Variants in CXXC4 observed in about 807,000 individuals in gnomAD.
CXXC4 encodes the protein CXXC-type zinc finger protein 4.
CXXC4 carries 5 observed loss-of-function variants against 20.5 expected under a neutral mutation model. That is an observed-to-expected ratio of 0.24 (90% CI 0.13 to 0.51). CXXC4 has a LOEUF of 0.51. CXXC4 is among the 20% of genes least tolerant of loss of function. The pLI, the probability that CXXC4 is intolerant of heterozygous loss-of-function variation, is 0.97. For synonymous variants in CXXC4, 250 were observed against 216.4 expected (o/e 1.16, Z -1.36); for missense variants, 419 against 496.4 (o/e 0.84, Z 1.48).
At position 104,487,076 on chromosome 4, in the gene CXXC4, C is replaced by T. The variant is rs537853949; in HGVS notation, c.1059+3668G>A. 4.1e-4 allele frequency among the ~76,000 whole-genome samples: 63 copies of T among 152,180 alleles called. 1 individual carries two copies. Among genetic ancestry groups the T allele is most frequent in the Non-Finnish European group, 6.3e-4 (43 of 67,992 alleles). ...AAAAATTACTGTTGGCCTGTACATTCGGCAGATAGATTTTTAAGAGATAAA... is the reference window on the plus strand; with the variant it reads ...AAAAATTACTGTTGGCCTGTACATTTGGCAGATAGATTTTTAAGAGATAAA... On this transcript the variant is annotated intron_variant, in intron 2 of 2. Coordinates refer to ENST00000394767, the MANE Select transcript of CXXC4 (RefSeq NM_025212.4).
At chr4:104,482,125 A>T (rs1238774681) in intron 2 of CXXC4, among the ~76,000 whole-genome samples, 1 of 152,216 alleles carries the variant, frequency 6.6e-6, no homozygotes, top group Non-Finnish European at 1.5e-5. Context: ...TACATGTGAT[A>T]AACTCATATA....
rs150876781 is a variant in CXXC4, at chr4:104,486,734, C to T, written c.1059+4010G>A. Among the ~76,000 whole-genome samples, 666 of 152,166 alleles carry T rather than the reference C, an allele frequency of 4.4e-3. 6 individuals carry two copies. Among genetic ancestry groups the T allele is most frequent in the African/African-American group, 0.015 (643 of 41,536 alleles). ...ATCCATAGATTTTTTTGTCACCAAA[C>T]CTCAGAAATGTATATGTTCAATTAT... On this transcript the variant is annotated intron_variant, in intron 2 of 2. Transcript: ENST00000394767.
At chr4:104,472,970 A>C (rs992514381) in intron 2 of CXXC4, among the ~76,000 whole-genome samples, 3 of 151,910 alleles carry the variant, frequency 2.0e-5, no homozygotes, top group Admixed American at 2.0e-4. Context: ...ACTATGATTG[A>C]ATTACTCTGT....
At position 104,491,372 on chromosome 4, in the gene CXXC4, G is replaced by T; in HGVS notation, c.431C>A (p.Ser144Tyr). 1 of 1,403,668 alleles carries T rather than the reference G, an allele frequency of 7.1e-7. No homozygotes were observed. 87.0% of individuals were successfully genotyped at this position (1,403,668 alleles called of 1,614,324 possible). ...GATCGCCGAGGAGGAGGAGGCGGAG[G>T]AGGAGGCGGCGGCGGAGGAGGATTT... The part of the protein sequence containing the change: ...GRKSSSAAAS[S>Y]SASSSSAILP... The change falls in exon 2 of 3, where the codon TCC becomes TAC. Residue 144 changes from serine to tyrosine, a missense_variant. This residue lies in a region of CXXC4 where 388 missense variants were observed against 416.0 expected (regional missense o/e 0.93). Transcript: ENST00000394767.
chr4:104,483,941 C>T (rs1043593553), intron 2 of CXXC4, among the ~76,000 whole-genome samples: 2 of 151,910 alleles, frequency 1.3e-5, no homozygotes, highest in African/African-American at 4.8e-5. Context: ...TTTGACAGTG[C>T]AAGTATAGGA....
rs1736270094 is a variant in CXXC4 at position 104,471,378 on chromosome 4, A to G, written c.*944T>C. 6.6e-6 allele frequency: 1 copy of G among 152,046 alleles called. No individual in the cohort carries two copies. Among genetic ancestry groups the G allele is most frequent in the Non-Finnish European group, 1.5e-5 (1 of 67,970 alleles). 9.4% of individuals were successfully genotyped at this position (152,046 alleles called of 1,614,324 possible). ...CATATTGGGCTGGGGAAAAAATGTC[A>G]GTTATAAATTTTCCCCTCCTAAGAT... On this transcript the variant is annotated 3_prime_UTR_variant, in exon 3 of 3. Transcript: ENST00000394767.
rs1175807641 is a variant in CXXC4 at position 104,491,597 on chromosome 4, G to T, written c.206C>A (p.Pro69His). The T allele has an allele frequency of 6.5e-7, 1 of 1,539,066 alleles. No individual in the cohort carries two copies. Among genetic ancestry groups the T allele is most frequent in the Admixed American group, 2.0e-5 (1 of 49,820 alleles). Residue 69 changes from proline to histidine, a missense_variant, in exon 2 of 3, where the codon CCC (proline) becomes CAC (histidine). Pro to His is a moderately conservative substitution (Grantham distance 77). Transcript: ENST00000394767. ...GGCGGCGGCGCTGCTGGGGAAGATGGGGGTGGTGATGCGCGCGATCTTGGC... is the reference window on the plus strand; with the variant it reads ...GGCGGCGGCGCTGCTGGGGAAGATGTGGGTGGTGATGCGCGCGATCTTGGC... ...QAAKIARITT[P>H]IFPSSAAAAA... is the part of the protein sequence containing the mutation.
At chr4:104,482,062 A>G (rs1736571043) in intron 2 of CXXC4, among the ~76,000 whole-genome samples, 1 of 152,190 alleles carries the variant, frequency 6.6e-6, no homozygotes, top group Non-Finnish European at 1.5e-5. Context: ...ATACACATAC[A>G]TTTCTTTAAG....
Position 104,472,360 on chromosome 4 carries a change from G to A in CXXC4, c.1066C>T (p.Pro356Ser). The change falls in exon 3 of 3, where the codon CCT (proline) becomes TCT (serine). Residue 356 changes from proline to serine, a missense_variant. Around this residue, in one of 3 missense-constraint regions of CXXC4, gnomAD observed 16 missense variants for 17.4 expected, o/e 0.92. Coordinates refer to ENST00000394767, the MANE Select transcript of CXXC4 (RefSeq NM_025212.4). ...CGGAATGCTTCAGCGCTGGGAACAGGTGTTCTCTATAAAAAAAGAGCAAGA... is the reference window on the plus strand; with the variant it reads ...CGGAATGCTTCAGCGCTGGGAACAGATGTTCTCTATAAAAAAAGAGCAAGA... ...KKPGTSLERTPVPSAEAFRWF... is the reference protein window; with the variant it reads ...KKPGTSLERTSVPSAEAFRWF... 1 of 1,600,090 alleles carries A rather than the reference G, an allele frequency of 6.2e-7. No individual in the cohort carries two copies. The highest frequency in any genetic ancestry group is 1.1e-5 in the South Asian group (1 of 88,528).
chr4:104,484,203 T>C (rs1736627515), intron 2 of CXXC4, among the ~76,000 whole-genome samples: 1 of 151,978 alleles, frequency 6.6e-6, no homozygotes, highest in Non-Finnish European at 1.5e-5. Context: ...GCCAACAACA[T>C]TAAACTACAT....
At chr4:104,492,566 A>G (rs1736921862) in intron 1 of CXXC4, among the ~76,000 whole-genome samples, 1 of 152,198 alleles carries the variant, frequency 6.6e-6, no homozygotes, top group Non-Finnish European at 1.5e-5. Context: ...AAAGTCTACA[A>G]TACATCCGAG....
intron 2 of CXXC4, among the ~76,000 whole-genome samples, chr4:104,478,901 T>G (rs1403319204): frequency 6.6e-6 from 1 of 152,044 alleles, no homozygotes; most frequent in Non-Finnish European, 1.5e-5. Context: ...ATTATTTTAT[T>G]TATATAGTCA....
chr4:104,476,299 T>C lies in CXXC4; in HGVS notation c.1060-3933A>G, dbSNP rs1019465522. ...TGAAAAGCTTTCACCTTAAGGATTTTAGCATGTTTCTCTTCTCATACCTGC... is the reference window on the plus strand; with the variant it reads ...TGAAAAGCTTTCACCTTAAGGATTTCAGCATGTTTCTCTTCTCATACCTGC... On this transcript the variant is annotated intron_variant, in intron 2 of 2. Transcript: ENST00000394767. Among the ~76,000 whole-genome samples, 16 of 152,324 alleles carry C rather than the reference T, an allele frequency of 1.1e-4. No homozygotes were observed. The Middle Eastern group carries it at 0.017, about 162-fold the overall frequency.
chr4:104,491,452 A>C lies in CXXC4; in HGVS notation c.351T>G (p.Gly117=), dbSNP rs1023816027. Residue 117 remains glycine, a synonymous_variant, in exon 2 of 3, where the codon GGT becomes GGG. Transcript: ENST00000394767. ...CTCCGCCGCCGCCGCCGCCGCCGCCACCCCCCCCGCCGCCGCCCCCGCCCC... is the reference window on the plus strand; with the variant it reads ...CTCCGCCGCCGCCGCCGCCGCCGCCCCCCCCCCCGCCGCCGCCCCCGCCCC... ...SGGGGGGGGG[G]GGGGGGGGGG... 127 of 789,578 alleles carry C rather than the reference A, an allele frequency of 1.6e-4. No homozygotes were observed. Among genetic ancestry groups the C allele is most frequent in the African/African-American group, 8.5e-4 (37 of 43,294 alleles). 48.9% of individuals were successfully genotyped at this position (789,578 alleles called of 1,614,324 possible).
Position 104,490,973 on chromosome 4 carries a change from A to G in CXXC4, c.830T>C (p.Leu277Pro). 1 of 1,613,996 alleles carries G rather than the reference A, an allele frequency of 6.2e-7. No individual in the cohort carries two copies. Reference protein sequence around the residue: ...VTDSAFQIANLADCPQNHSSS... With the variant: ...VTDSAFQIANPADCPQNHSSS... ...GGAATGATTCTGCGGGCAGTCTGCCAGATTGGCAATTTGAAACGCACTGTC... is the reference window on the plus strand; with the variant it reads ...GGAATGATTCTGCGGGCAGTCTGCCGGATTGGCAATTTGAAACGCACTGTC... Residue 277 changes from leucine to proline, a missense_variant, in exon 2 of 3, where the codon CTG becomes CCG. Leu to Pro is a moderately conservative substitution (Grantham distance 98). Around this residue, in one of 3 missense-constraint regions of CXXC4, gnomAD observed 388 missense variants for 416.0 expected, o/e 0.93. Transcript: ENST00000394767.
chr4:104,472,205 T>A lies in CXXC4; in HGVS notation c.*117A>T. On this transcript the variant is annotated 3_prime_UTR_variant, in exon 3 of 3. Transcript: ENST00000394767. ...TTTTTTTTGAAGAAAGCCCTATACA[T>A]AAAATGAAAATAATTTCTGGATATT... 5.5e-6 allele frequency: 3 copies of A among 543,130 alleles called. No individual in the cohort carries two copies. The highest frequency in any genetic ancestry group is 3.1e-5 in the East Asian group (1 of 31,760). 33.6% of individuals were successfully genotyped at this position (543,130 alleles called of 1,614,324 possible).
Position 104,491,181 on chromosome 4 carries a change from G to A in CXXC4, c.622C>T (p.Pro208Ser), listed in dbSNP as rs1178195897. The change falls in exon 2 of 3, where the codon CCT (proline) becomes TCT (serine). Residue 208 changes from proline to serine, a missense_variant. Physicochemically the swap from Pro to Ser is moderately conservative, Grantham distance 74. Transcript: ENST00000394767. ...LSTLSPEHCRPLAGECMNKLK... is the reference protein window; with the variant it reads ...LSTLSPEHCRSLAGECMNKLK... The stretch of plus-strand genomic sequence containing the variant: ...TTGTTCATGCATTCCCCCGCCAAAG[G>A]TCTGCAGTGTTCAGGGGATAAGGTG... 3 of 1,613,778 alleles carry A rather than the reference G, an allele frequency of 1.9e-6. No individual in the cohort carries two copies. Among genetic ancestry groups the A allele is most frequent in the South Asian group, 1.1e-5 (1 of 91,086 alleles).
rs1736267944 is a variant in CXXC4 at position 104,471,296 on chromosome 4, T to C, written c.*1026A>G. 2.0e-5 allele frequency: 3 copies of C among 151,930 alleles called. No individual in the cohort carries two copies. The highest frequency in any genetic ancestry group is 4.2e-4 in the South Asian group (2 of 4,818). The allele number at this position is 151,930 out of a possible 1,614,324, so 9.4% of individuals were successfully genotyped here. A position where few individuals can be genotyped will look rare whatever the true frequency, so the allele number is the denominator to read the frequency against. On this transcript the variant is annotated 3_prime_UTR_variant, in exon 3 of 3. Coordinates refer to ENST00000394767, the MANE Select transcript of CXXC4 (RefSeq NM_025212.4). ...AACATTGGGGTAGTTTTTATTAAGA[T>C]TTTTTCCTACAGAAAAAATAAGAAA...
chr4:104,487,176 C>T (rs1736722067), intron 2 of CXXC4, among the ~76,000 whole-genome samples: 1 of 152,144 alleles, frequency 6.6e-6, no homozygotes, highest in Non-Finnish European at 1.5e-5. Flanking sequence ...CTATAACCTG[C>T]TCTCTCTAGT....
Sources: allele counts gnomAD v4.1 joint callset (sites outside exome capture counted in the v4.1 genomes callset), GRCh38; gene constraint gnomAD v4.1.1; regional missense constraint gnomAD v4.1.1; transcripts MANE v1.5; gene names NCBI Gene and HGNC (gene_info 2026-07-23, HGNC 2026-07-21).